CLEC12A: variants seen among roughly 807,000 people sequenced by gnomAD.
CLEC12A encodes the protein C-type lectin domain family 12 member A, also known as C-type lectin protein CLL-1.
CLEC12A carries 22 observed loss-of-function variants against 26.5 expected under a neutral mutation model. That is an observed-to-expected ratio of 0.83 (90% CI 0.59 to 1.19). The LOEUF is 1.19. CLEC12A is among the 50% of genes most tolerant of loss of function. CLEC12A has a pLI of 0.00. For synonymous variants in CLEC12A, 119 were observed against 101.9 expected (o/e 1.17, Z -1.01); for missense variants, 353 against 315.6 (o/e 1.12, Z -0.90).
At chr12:9,988,626 C>G (rs563413071), downstream of CLEC12A, among the ~76,000 whole-genome samples, 116 of 152,338 alleles carry the variant, frequency 7.6e-4, no homozygotes, top group African/African-American at 2.7e-3. Flanking sequence ...CTCATCATCA[C>G]TGGCCATCAG....
At chr12:9,970,177 T>C (rs939627803), upstream of CLEC12A, among the ~76,000 whole-genome samples, 3 of 152,144 alleles carry the variant, frequency 2.0e-5, no homozygotes, top group African/African-American at 7.2e-5. Flanking sequence ...AGTTTCTTTT[T>C]ATACAGTATT....
At chr12:9,987,841 T>C (rs1465284785), downstream of CLEC12A, among the ~76,000 whole-genome samples, 1 of 152,062 alleles carries the variant, frequency 6.6e-6, no homozygotes, top group African/African-American at 2.4e-5. Flanking sequence ...AGAGTCTCGC[T>C]CTTGTCACCC....
intron 4 of CLEC12A, chr12:9,993,328 G>T: frequency 6.7e-7 from 1 of 1,483,428 alleles, no homozygotes; most frequent in Non-Finnish European, 9.2e-7. Flanking sequence ...TGAAAACTGA[G>T]CAAACAATCA....
At chr12:9,961,157 G>T (rs562917248) in intron 1 of CLEC12A, among the ~76,000 whole-genome samples, 1 of 152,188 alleles carries the variant, frequency 6.6e-6, no homozygotes, top group Non-Finnish European at 1.5e-5. Flanking sequence ...TCTGGGTTGT[G>T]GTAAGAGGTT....
At chr12:9,995,461 A>T (rs1359398554) in exon 5 of CLEC12A, 5 of 492,626 alleles carry the variant, frequency 1.0e-5, no homozygotes, top group Non-Finnish European at 1.5e-5. Flanking sequence ...TGTACACAAA[A>T]TAGCTGATAT....
At chr12:9,993,714 G>A in intron 4 of CLEC12A, among the ~76,000 whole-genome samples, 1 of 152,098 alleles carries the variant, frequency 6.6e-6, no homozygotes, top group East Asian at 1.9e-4. Flanking sequence ...ATGGAAAAGT[G>A]AGTTGATTCA....
At chr12:9,951,812 G>A (rs1436432850) in intron 1 of CLEC12A, 1 of 180,634 alleles carries the variant, frequency 5.5e-6, no homozygotes, top group East Asian at 1.5e-4. Context: ...GTGGCTGTGG[G>A]CCAGTGGAGT....
chr12:9,996,943 T>C (rs545436774), downstream of CLEC12A: 10 of 1,614,102 alleles, frequency 6.2e-6, no homozygotes, highest in South Asian at 4.4e-5. Flanking sequence ...GAAGAACCCA[T>C]AGCAGCTATC....
At chr12:9,954,739 A>G (rs1204672457) in intron 1 of CLEC12A, among the ~76,000 whole-genome samples, 1 of 152,244 alleles carries the variant, frequency 6.6e-6, no homozygotes, top group Non-Finnish European at 1.5e-5. Flanking sequence ...TGGCTTATAA[A>G]TTAAAAAGCG....
chr12:9,958,326 G>T (rs962846746), intron 1 of CLEC12A, among the ~76,000 whole-genome samples: 1 of 152,196 alleles, frequency 6.6e-6, no homozygotes, highest in Admixed American at 6.5e-5. Context: ...CACACAGGAG[G>T]TTATTCCCAA....
downstream of CLEC12A, chr12:9,996,992 T>G (rs762646083): frequency 1.2e-6 from 2 of 1,613,890 alleles, no homozygotes; most frequent in Non-Finnish European, 1.7e-6. Context: ...GGGCTGCATT[T>G]ATGACCTTCT....
upstream of CLEC12A, among the ~76,000 whole-genome samples, chr12:9,967,546 C>T (rs1252203695): frequency 6.6e-5 from 10 of 151,744 alleles, no homozygotes; most frequent in East Asian, 5.8e-4. Context: ...GAATGGAGGG[C>T]GGAAGCTTGC....
chr12:9,984,148 CTG>C (rs1459545813), intron 5 of CLEC12A: 1 of 158,348 alleles, frequency 6.3e-6, no homozygotes, highest in African/African-American at 2.4e-5. Context: ...CTTTATAACT[CTG>C]TGTTGTTTTG....
intron 1 of CLEC12A, among the ~76,000 whole-genome samples, chr12:9,961,722 T>TA (rs5796375): frequency 0.29 from 43,832 of 151,754 alleles, 6,573 homozygotes; most frequent in East Asian, 0.47. Context: ...TGTTATTTAA[T>TA]AAAAAATTAT....
chr12:10,000,166 TATAA>T (rs1865140518), downstream of CLEC12A, among the ~76,000 whole-genome samples: 2 of 152,240 alleles, frequency 1.3e-5, no homozygotes, highest in Non-Finnish European at 1.5e-5. Flanking sequence ...GCATTTACCT[TATAA>T]ATAATTTGAA....
the CLEC12A span, among the ~76,000 whole-genome samples, chr12:10,004,516 G>A: frequency 6.6e-6 from 1 of 151,986 alleles, no homozygotes; most frequent in Non-Finnish European, 1.5e-5. Context: ...TTGGCGTTCA[G>A]AAGTTCCTCC....
Position 9,971,838 on chromosome 12 carries a change from C to A in CLEC12A, c.91+151C>A, listed in dbSNP as rs538314105. Reference sequence around the variant, plus strand: ...AGCAAAGGAACAAAAAGTGTATGAACAAAATGATTAGAAAAAAGGGTTTTG... The same window carrying A: ...AGCAAAGGAACAAAAAGTGTATGAAAAAAATGATTAGAAAAAAGGGTTTTG... On this transcript the variant is annotated intron_variant, in intron 1 of 5. Transcript: ENST00000304361. The A allele has an allele frequency of 5.4e-4, 315 of 582,292 alleles. 1 individual carries two copies. The African/African-American group carries it at 5.6e-3, about 10-fold the overall frequency. The allele number at this position is 582,292 out of a possible 1,614,324, so 36.1% of individuals were successfully genotyped here.
chr12:9,977,593 G>T (rs907296033), intron 1 of CLEC12A, among the ~76,000 whole-genome samples: 1 of 151,828 alleles, frequency 6.6e-6, no homozygotes, highest in African/African-American at 2.4e-5. Context: ...TACTTATTTT[G>T]CATGCTGGTT....
At chr12:10,003,597 G>A in the CLEC12A span, among the ~76,000 whole-genome samples, 2 of 152,138 alleles carry the variant, frequency 1.3e-5, no homozygotes, top group African/African-American at 2.4e-5. Flanking sequence ...CAGGAAGTTC[G>A]AATACATGTA....
Sources: allele counts gnomAD v4.1 joint callset (sites outside exome capture counted in the v4.1 genomes callset), GRCh38; gene constraint gnomAD v4.1.1; transcripts MANE v1.5; gene names NCBI Gene and HGNC (gene_info 2026-07-23, HGNC 2026-07-21).